The following DCC variants were observed in gnomAD, a reference collection of about 807,000 sequenced individuals.
DCC encodes netrin receptor DCC.
In DCC, 58 loss-of-function variants were observed where a neutral mutation model predicts 172.5. The ratio of observed to expected loss-of-function variants is 0.34; its 90% CI spans 0.27 to 0.42. The LOEUF is 0.42. Ranked by LOEUF, DCC falls within the 10% of genes least tolerant of loss-of-function variation. The probability of loss-of-function intolerance (pLI) is 1.00; values close to 1 mark genes in which losing one functional copy is unlikely to be tolerated. For synonymous variants in DCC, 709 were observed against 644.5 expected, an observed-to-expected ratio of 1.10 and a Z score of -1.52; for missense variants, 1,740 against 1,791.0, an observed-to-expected ratio of 0.97 and a Z score of 0.51.
intron 15 of DCC, among the ~76,000 whole-genome samples, chr18:53,364,842 G>T (rs922982813): frequency 7.9e-5 from 12 of 151,988 alleles, no homozygotes; most frequent in African/African-American, 2.9e-4. Context: ...ATGTACATGT[G>T]CACATGTGCA....
chr18:53,032,676 C>T (rs879539218), intron 5 of DCC, among the ~76,000 whole-genome samples: 6 of 152,062 alleles, frequency 3.9e-5, no homozygotes, highest in Admixed American at 1.3e-4. Flanking sequence ...AAAATGCCCA[C>T]GTGGTAACCC....
At chr18:52,739,616 C>A (rs908700762) in intron 1 of DCC, among the ~76,000 whole-genome samples, 1 of 152,082 alleles carries the variant, frequency 6.6e-6, no homozygotes, top group Non-Finnish European at 1.5e-5. Flanking sequence ...CTGTGTCTAC[C>A]GTTTACATTT....
At chr18:53,164,115 G>A (rs781132583) in intron 8 of DCC, among the ~76,000 whole-genome samples, 5 of 152,120 alleles carry the variant, frequency 3.3e-5, no homozygotes, top group Non-Finnish European at 7.4e-5. Flanking sequence ...AGAACTAAAT[G>A]TTCTTGATAT....
At chr18:52,773,379 A>G (rs753309566) in intron 2 of DCC, among the ~76,000 whole-genome samples, 7 of 152,178 alleles carry the variant, frequency 4.6e-5, no homozygotes, top group African/African-American at 1.7e-4. Context: ...ATCCTTAACT[A>G]TGAGTTCTAT....
intron 8 of DCC, among the ~76,000 whole-genome samples, chr18:53,172,764 G>A (rs1044385518): frequency 1.3e-5 from 2 of 151,756 alleles, no homozygotes; most frequent in African/African-American, 4.8e-5. Flanking sequence ...TTTCCCTATA[G>A]GACCTCATGT....
At chr18:53,039,299 C>T (rs965604266) in intron 5 of DCC, among the ~76,000 whole-genome samples, 1 of 151,982 alleles carries the variant, frequency 6.6e-6, no homozygotes, top group Non-Finnish European at 1.5e-5. Context: ...ACACAGTATT[C>T]TATAGTTGTT....
intron 1 of DCC, among the ~76,000 whole-genome samples, chr18:52,711,967 A>T (rs974535346): frequency 2.7e-5 from 4 of 147,306 alleles, no homozygotes; most frequent in African/African-American, 5.0e-5. Context: ...TTCCCACTTA[A>T]TTTTTTTTTT....
intron 1 of DCC, among the ~76,000 whole-genome samples, chr18:52,455,325 C>A (rs1988426200): frequency 6.6e-6 from 1 of 152,124 alleles, no homozygotes; most frequent in Non-Finnish European, 1.5e-5. Flanking sequence ...TTATTTACAT[C>A]ATCCATTTTT....
At chr18:53,446,868 C>T (rs1297727454) in intron 22 of DCC, among the ~76,000 whole-genome samples, 1 of 152,086 alleles carries the variant, frequency 6.6e-6, no homozygotes, top group African/African-American at 2.4e-5. Context: ...GGTGACTTCA[C>T]TGTTTAAAAT....
At chr18:52,755,125 A>C (rs890797650) in intron 2 of DCC, among the ~76,000 whole-genome samples, 8 of 152,238 alleles carry the variant, frequency 5.3e-5, no homozygotes, top group Non-Finnish European at 8.8e-5. Flanking sequence ...TGAAGTGGAA[A>C]GGGGACAATT....
chr18:53,357,887 A>G (rs192932430), intron 15 of DCC, among the ~76,000 whole-genome samples: 1 of 152,158 alleles, frequency 6.6e-6, no homozygotes, highest in Non-Finnish European at 1.5e-5. Context: ...TTCTAGAAGG[A>G]AATTCATTTA....
chr18:53,067,167 C>CA (rs970493750), intron 7 of DCC, among the ~76,000 whole-genome samples: 21 of 151,972 alleles, frequency 1.4e-4, no homozygotes, highest in African/African-American at 2.9e-4. Context: ...ATTATAATTG[C>CA]AAAAAATGTC....
intron 2 of DCC, among the ~76,000 whole-genome samples, chr18:52,788,791 A>G (rs2037708264): frequency 6.6e-6 from 1 of 152,168 alleles, no homozygotes; most frequent in Non-Finnish European, 1.5e-5. Flanking sequence ...GCACAGCTGA[A>G]GGCAAAGACA....
intron 5 of DCC, among the ~76,000 whole-genome samples, chr18:52,995,954 C>T (rs969317965): frequency 3.3e-5 from 5 of 151,420 alleles, no homozygotes; most frequent in Admixed American, 1.3e-4. Flanking sequence ...ACTCTTTCCT[C>T]TATTTTTCAA....
chr18:53,464,525 T>C (rs905346369), intron 24 of DCC, among the ~76,000 whole-genome samples: 1 of 151,908 alleles, frequency 6.6e-6, no homozygotes, highest in African/African-American at 2.4e-5. Flanking sequence ...CCACAAAGTG[T>C]TACTACCAAA....
At chr18:52,666,094 C>T (rs1295968653) in intron 1 of DCC, among the ~76,000 whole-genome samples, 2 of 152,070 alleles carry the variant, frequency 1.3e-5, no homozygotes, top group Non-Finnish European at 2.9e-5. Flanking sequence ...CAAGACCAGC[C>T]TGGCCAACAC....
intron 1 of DCC, among the ~76,000 whole-genome samples, chr18:52,506,897 A>G (rs905023843): frequency 1.3e-5 from 2 of 152,170 alleles, no homozygotes; most frequent in African/African-American, 4.8e-5. Flanking sequence ...ATTGTGTATC[A>G]TTGATAGTTG....
intron 12 of DCC, among the ~76,000 whole-genome samples, chr18:53,271,998 C>T (rs1232160665): frequency 6.6e-6 from 1 of 152,156 alleles, no homozygotes; most frequent in Non-Finnish European, 1.5e-5. Flanking sequence ...TAACTTCACA[C>T]CAATTTCAGT....
intron 1 of DCC, among the ~76,000 whole-genome samples, chr18:52,479,499 TG>T (rs1229051880): frequency 1.7e-3 from 257 of 152,152 alleles, no homozygotes; most frequent in African/African-American, 6.0e-3. Flanking sequence ...CTACAAAATC[TG>T]TGTACCAGTG....
Sources: allele counts gnomAD v4.1 joint callset (sites outside exome capture counted in the v4.1 genomes callset), GRCh38; gene constraint gnomAD v4.1.1; transcripts MANE v1.5; gene names NCBI Gene and HGNC (gene_info 2026-07-23, HGNC 2026-07-21).